Variants in MINDY2 observed in about 807,000 individuals in gnomAD.
The protein encoded by MINDY2 is ubiquitin carboxyl-terminal hydrolase MINDY-2.
MINDY2 carries 52 observed loss-of-function variants against 68.2 expected under a neutral mutation model. That is an observed-to-expected ratio of 0.76 (90% CI 0.61 to 0.96). The LOEUF is 0.96. Ranked by LOEUF, MINDY2 falls within the 40% of genes least tolerant of loss-of-function variation. The pLI is 0.00. For missense variants in MINDY2, 881 were observed against 773.4 expected (o/e 1.14, Z -1.65); for synonymous variants, 372 against 303.0 (o/e 1.23, Z -2.36).
At chr15:58,851,020 C>A (rs979320134) in intron 7 of MINDY2, among the ~76,000 whole-genome samples, 3 of 152,116 alleles carry the variant, frequency 2.0e-5, no homozygotes, top group Non-Finnish European at 4.4e-5. Flanking sequence ...GTCGCCCAGG[C>A]TGGAGCGCAG....
chr15:58,858,967 C>T lies in MINDY2; in HGVS notation c.*4357C>T, dbSNP rs1291583783. 6.6e-6 allele frequency: 1 copy of T among 152,098 alleles called. No homozygotes were observed. The highest frequency in any genetic ancestry group is 6.5e-5 in the Admixed American group (1 of 15,274). 9.4% of individuals were successfully genotyped at this position (152,098 alleles called of 1,614,324 possible). A position where few individuals can be genotyped will look rare whatever the true frequency, so the allele number is the denominator to read the frequency against. On this transcript the variant is annotated 3_prime_UTR_variant, in exon 9 of 9. Transcript: ENST00000559228. Reference sequence around the variant, plus strand: ...GCTCTTTTTGATTAAGTGTTTTGCACTCCTGAATAAAGGGCATAGTATAAG... The same window carrying T: ...GCTCTTTTTGATTAAGTGTTTTGCATTCCTGAATAAAGGGCATAGTATAAG...
chr15:58,826,618 C>G (rs1194826009), intron 5 of MINDY2, among the ~76,000 whole-genome samples: 1 of 152,118 alleles, frequency 6.6e-6, no homozygotes, highest in Non-Finnish European at 1.5e-5. Context: ...CTCCTAAGAA[C>G]AAGGAATTCT....
intron 1 of MINDY2, among the ~76,000 whole-genome samples, chr15:58,775,169 C>T (rs557066199): frequency 6.6e-6 from 1 of 152,264 alleles, no homozygotes; most frequent in Non-Finnish European, 1.5e-5. Context: ...AATGACATCG[C>T]TCTGTCAGTT....
intron 3 of MINDY2, among the ~76,000 whole-genome samples, chr15:58,807,655 G>A (rs1338366360): frequency 6.6e-6 from 1 of 152,076 alleles, no homozygotes; most frequent in Non-Finnish European, 1.5e-5. Flanking sequence ...GAGCCATTGC[G>A]CCCGGCCTAA....
chr15:58,771,584 C>T lies in MINDY2; in HGVS notation c.189C>T (p.Leu63=). The T allele has an allele frequency of 6.2e-7, 1 of 1,611,690 alleles. No homozygotes were observed. Among genetic ancestry groups the T allele is most frequent in the African/African-American group, 1.3e-5 (1 of 75,026 alleles). Residue 63 remains leucine (L), a synonymous_variant, in exon 1 of 9, where the codon CTC becomes CTT. Transcript: ENST00000559228. Reference sequence around the variant, plus strand: ...GGGCGGCGGCCGCCAGGAGGAGCCTCCCGGACTCGGCTTCTCCCGCGGGCT... The same window carrying T: ...GGGCGGCGGCCGCCAGGAGGAGCCTTCCGGACTCGGCTTCTCCCGCGGGCT... ...GLGAAAARRS[L]PDSASPAGSP...
At chr15:58,774,153 A>T (rs1900621107) in intron 1 of MINDY2, among the ~76,000 whole-genome samples, 1 of 152,200 alleles carries the variant, frequency 6.6e-6, no homozygotes, top group Admixed American at 6.5e-5. Flanking sequence ...TGAATGATCA[A>T]GTGTTTGGGT....
At chr15:58,845,307 G>C (rs2032480014) in intron 6 of MINDY2, among the ~76,000 whole-genome samples, 1 of 152,118 alleles carries the variant, frequency 6.6e-6, no homozygotes, top group South Asian at 2.1e-4. Flanking sequence ...TCAGGAGCCT[G>C]AGACAGGAGA....
At position 58,787,707 on chromosome 15, in the gene MINDY2, A is replaced by T. The variant is rs1267947664; in HGVS notation, c.841-199A>T. ...AGCCGAGATTGCGCCACTGCAGTCC[A>T]CCCTGGGCAACAGAGCGAGAGTCCG... On this transcript the variant is annotated intron_variant, in intron 1 of 8. Coordinates refer to ENST00000559228, the MANE Select transcript of MINDY2 (RefSeq NM_001040450.3). Among the ~76,000 whole-genome samples, 6 of 140,586 alleles carry T rather than the reference A, an allele frequency of 4.3e-5. No individual in the cohort carries two copies. The East Asian group carries it at 8.7e-4, about 20-fold the overall frequency. The allele number at this position is 140,586 out of a possible 152,430, so 92.2% of individuals were successfully genotyped here.
At chr15:58,781,496 C>A (rs1165203799) in intron 1 of MINDY2, among the ~76,000 whole-genome samples, 1 of 152,148 alleles carries the variant, frequency 6.6e-6, no homozygotes, top group Non-Finnish European at 1.5e-5. Flanking sequence ...TTTAAATAGG[C>A]CTTGGTCTTA....
chr15:58,771,729 C>T lies in MINDY2; in HGVS notation c.334C>T (p.Pro112Ser), dbSNP rs762224127. 5 of 1,611,912 alleles carry T rather than the reference C, an allele frequency of 3.1e-6. No individual in the cohort carries two copies. Among genetic ancestry groups the T allele is most frequent in the East Asian group, 2.2e-5 (1 of 44,852 alleles). ...AGGGCAGTACAAGGTGACCGCCTCC[C>T]CGGAGACAGCCGTGGCCGGAGTGGG... ...LRGQYKVTASPETAVAGVGHE... is the reference protein window; with the variant it reads ...LRGQYKVTASSETAVAGVGHE... The change falls in exon 1 of 9, where the codon CCG (proline) becomes TCG (serine). Residue 112 changes from proline (P) to serine (S), a missense_variant. Transcript: ENST00000559228.
intron 6 of MINDY2, among the ~76,000 whole-genome samples, chr15:58,846,361 A>T (rs1240263971): frequency 2.0e-5 from 3 of 152,160 alleles, no homozygotes; most frequent in Non-Finnish European, 2.9e-5. Context: ...TGGGAGGCTG[A>T]GGCGGGTGGA....
chr15:58,784,343 A>G (rs186754108), intron 1 of MINDY2, among the ~76,000 whole-genome samples: 2 of 152,082 alleles, frequency 1.3e-5, no homozygotes, highest in Admixed American at 1.3e-4. Flanking sequence ...AATAATAATA[A>G]TTTCCTCAGG....
intron 2 of MINDY2, among the ~76,000 whole-genome samples, chr15:58,794,463 C>T (rs1902155072): frequency 6.6e-6 from 1 of 151,006 alleles, no homozygotes; most frequent in Admixed American, 6.6e-5. Flanking sequence ...TTGGAAGAGA[C>T]ATCTCCATAC....
chr15:58,816,826 C>T (rs2030718879), intron 4 of MINDY2, among the ~76,000 whole-genome samples: 1 of 152,116 alleles, frequency 6.6e-6, no homozygotes, highest in Admixed American at 6.6e-5. Context: ...GAGGTGGCAT[C>T]CCTGTAGTCG....
intron 2 of MINDY2, among the ~76,000 whole-genome samples, chr15:58,789,935 C>A (rs1364037701): frequency 6.6e-6 from 1 of 152,080 alleles, no homozygotes; most frequent in African/African-American, 2.4e-5. Context: ...GCGTGAGCCA[C>A]CGTGCCTGGT....
intron 1 of MINDY2, among the ~76,000 whole-genome samples, chr15:58,781,467 ATC>A (rs1901136855): frequency 6.6e-6 from 1 of 152,248 alleles, no homozygotes; most frequent in Non-Finnish European, 1.5e-5. Context: ...GTGTGAATAT[ATC>A]TGCAGTTTCT....
chr15:58,831,374 G>A (rs1440580447), intron 5 of MINDY2, among the ~76,000 whole-genome samples: 1 of 152,008 alleles, frequency 6.6e-6, no homozygotes, highest in East Asian at 1.9e-4. Flanking sequence ...CCTTGCTATT[G>A]GGAGGTAGCT....
chr15:58,778,869 G>T (rs1488559703), intron 1 of MINDY2, among the ~76,000 whole-genome samples: 3 of 141,486 alleles, frequency 2.1e-5, no homozygotes, highest in African/African-American at 8.1e-5. Flanking sequence ...CTGGAGTGCA[G>T]TGGCACGATC....
At chr15:58,812,552 T>C (rs576500182) in intron 4 of MINDY2, among the ~76,000 whole-genome samples, 88 of 151,776 alleles carry the variant, frequency 5.8e-4, no homozygotes, top group African/African-American at 1.9e-3. Context: ...AACCAGGAAA[T>C]TGACATTAGT....
Sources: gnomAD v4.1 joint callset for allele counts (sites outside exome capture counted in the v4.1 genomes callset) on GRCh38, gnomAD v4.1.1 for gene constraint, MANE v1.5 for transcripts, NCBI Gene and HGNC (gene_info 2026-07-23, HGNC 2026-07-21) for gene names.